GSDME: variants seen among roughly 807,000 people sequenced by gnomAD.
GSDME encodes gasdermin-E.
GSDME carries 44 observed loss-of-function variants against 47.5 expected under a neutral mutation model. The ratio of observed to expected loss-of-function variants is 0.93; its 90% CI spans 0.73 to 1.19. GSDME has a LOEUF of 1.19. Ranked by LOEUF, GSDME falls within the 50% of genes most tolerant of loss-of-function variation. The probability of loss-of-function intolerance (pLI) is 0.00; values close to 1 mark genes in which losing one functional copy is unlikely to be tolerated. For missense variants in GSDME, 663 were observed against 604.2 expected (o/e 1.10, Z -1.02); for synonymous variants, 258 against 252.8 (o/e 1.02, Z -0.20).
rs185209794 is a variant in GSDME, at chr7:24,732,038, C to T, written c.404+12524G>A. Among the ~76,000 whole-genome samples the T allele has an allele frequency of 1.4e-4, 21 of 152,272 alleles. 1 individual carries two copies. The East Asian group carries it at 4.1e-3, about 29-fold the overall frequency. ...TCCCATCCCAGACCTTGGGATGCCC[C>T]GGTTTATTGTGACCAGTTACACCTG... is the stretch of plus-strand genomic sequence containing the variant. On this transcript the variant is annotated intron_variant, in intron 3 of 9. Transcript: ENST00000645220. The surrounding 1 kb of genome is among the most constrained non-coding windows in gnomAD (Gnocchi z 4.8).
intron 4 of GSDME, 54 bp from the exon 5 acceptor site, chr7:24,717,428 C>G: frequency 6.2e-7 from 1 of 1,613,288 alleles, no homozygotes; most frequent in Non-Finnish European, 8.5e-7. Context: ...CCAAGCTGCT[C>G]TGTTCCCCAC....
the GSDME span, among the ~76,000 whole-genome samples, chr7:24,781,271 G>A: frequency 6.6e-6 from 1 of 152,212 alleles, no homozygotes; most frequent in Non-Finnish European, 1.5e-5. Context: ...GGAAGCAGAT[G>A]TGGGAGGAGA....
At chr7:24,730,289 T>C (rs1459173821) in intron 3 of GSDME, among the ~76,000 whole-genome samples, 1 of 152,256 alleles carries the variant, frequency 6.6e-6, no homozygotes, top group Admixed American at 6.5e-5. Context: ...TTTTTTTCTT[T>C]ACATTTTAAC....
intron 3 of GSDME, among the ~76,000 whole-genome samples, chr7:24,719,855 G>C (rs181387982): frequency 6.6e-6 from 1 of 152,072 alleles, no homozygotes; most frequent in Admixed American, 6.5e-5. Flanking sequence ...ATGTACCTTA[G>C]ACCCTGGAAA....
the GSDME span, among the ~76,000 whole-genome samples, chr7:24,794,137 A>G: frequency 1.3e-5 from 2 of 150,564 alleles, no homozygotes; most frequent in Non-Finnish European, 3.0e-5. Flanking sequence ...AACTACTTGT[A>G]TATCTCTCTC....
At chr7:24,749,538 T>C (rs1562715876) in intron 2 of GSDME, 26 bp downstream of exon 2, 5 of 1,543,326 alleles carry the variant, frequency 3.2e-6, no homozygotes, top group Non-Finnish European at 4.5e-6. Flanking sequence ...CGAGACTAAT[T>C]ATAGAATATA....
At chr7:24,709,403 G>C (rs1207312214) in intron 6 of GSDME, among the ~76,000 whole-genome samples, 1 of 149,732 alleles carries the variant, frequency 6.7e-6, no homozygotes, top group East Asian at 2.2e-4. Flanking sequence ...AGGAAGCCAA[G>C]ATAGGAAAGC....
the GSDME span, among the ~76,000 whole-genome samples, chr7:24,771,402 T>C: frequency 1.8e-4 from 28 of 152,244 alleles, 1 homozygote; most frequent in African/African-American, 6.8e-4. The surrounding 1 kb of genome is among the most constrained non-coding windows in gnomAD (Gnocchi z 4.1). Flanking sequence ...TTCTATCATA[T>C]TGTGTTATGT....
chr7:24,795,427 A>G, the GSDME span, among the ~76,000 whole-genome samples: 1 of 152,178 alleles, frequency 6.6e-6, no homozygotes, highest in Non-Finnish European at 1.5e-5. Flanking sequence ...TGCCAGGAGC[A>G]TCGGCAGACT....
At chr7:24,780,719 T>A in the GSDME span, among the ~76,000 whole-genome samples, 1 of 152,252 alleles carries the variant, frequency 6.6e-6, no homozygotes, top group Non-Finnish European at 1.5e-5. This position sits in a 1 kb window ranked among gnomAD's most constrained non-coding sequence, Gnocchi z 4.1. Context: ...TGCAGTATAA[T>A]TCTCCCAGAG....
rs1789761373 is a variant in GSDME at position 24,721,021 on chromosome 7, C to T, written c.405-1803G>A. 6.6e-6 allele frequency among the ~76,000 whole-genome samples: 1 copy of T among 152,038 alleles called. No homozygotes were observed. The highest frequency in any genetic ancestry group is 1.5e-5 in the Non-Finnish European group (1 of 68,030). On this transcript the variant is annotated intron_variant, in intron 3 of 9. Transcript: ENST00000645220. The surrounding 1 kb of genome is among the most constrained non-coding windows in gnomAD (Gnocchi z 4.1). Reference sequence around the variant, plus strand: ...ACAAATGAGCAATATTGTGTGGTTCCTCATATGAAATATCTGGAACAGGCA... The same window carrying T: ...ACAAATGAGCAATATTGTGTGGTTCTTCATATGAAATATCTGGAACAGGCA...
intron 1 of GSDME, 43 bp from the exon 2 acceptor site, chr7:24,749,836 A>G: frequency 7.2e-7 from 1 of 1,381,262 alleles, no homozygotes; most frequent in Non-Finnish European, 1.0e-6. Context: ...AGAAGTTACT[A>G]TTTTGTGGCT....
chr7:24,711,423 C>T (rs927336391), intron 5 of GSDME, among the ~76,000 whole-genome samples: 2 of 149,396 alleles, frequency 1.3e-5, no homozygotes, highest in African/African-American at 4.9e-5. Flanking sequence ...TGGGGTTTCA[C>T]CATGTTGGCC....
the GSDME span, among the ~76,000 whole-genome samples, chr7:24,794,972 A>C: frequency 3.3e-5 from 5 of 152,158 alleles, no homozygotes; most frequent in African/African-American, 4.8e-5. Flanking sequence ...CTAAACCAAA[A>C]CAGTGCAAAT....
chr7:24,714,265 G>A lies in GSDME; in HGVS notation c.697+2989C>T, dbSNP rs781090892. Among the ~76,000 whole-genome samples the A allele has an allele frequency of 3.3e-5, 5 of 152,122 alleles. No homozygotes were observed. Among genetic ancestry groups the A allele is most frequent in the African/African-American group, 7.2e-5 (3 of 41,418 alleles). ...ATACAGATGGAGTCTGCCTCCCTTC[G>A]AGGTTTCAAAGGACGACCAGGATCT... On this transcript the variant is annotated intron_variant, in intron 5 of 9. Transcript: ENST00000645220. This position sits in a 1 kb window ranked among gnomAD's most constrained non-coding sequence, Gnocchi z 5.0.
rs905711509 is a variant in GSDME at position 24,754,039 on chromosome 7, G to C, written c.-20+3357C>G. Among the ~76,000 whole-genome samples, 1 of 152,204 alleles carries C rather than the reference G, an allele frequency of 6.6e-6. No homozygotes were observed. Among genetic ancestry groups the C allele is most frequent in the African/African-American group, 2.4e-5 (1 of 41,452 alleles). Reference sequence around the variant, plus strand: ...AAGCACAGTCATGTCTCAGCCAAAAGTCAGACTCTGGATTAACATTTTCAC... The same window carrying C: ...AAGCACAGTCATGTCTCAGCCAAAACTCAGACTCTGGATTAACATTTTCAC... On this transcript the variant is annotated intron_variant, in intron 1 of 9. Coordinates refer to ENST00000645220, the MANE Select transcript of GSDME (RefSeq NM_001127453.2). The surrounding 1 kb of genome is among the most constrained non-coding windows in gnomAD (Gnocchi z 5.0).
chr7:24,703,023 G>A (rs1225693198), intron 8 of GSDME, 190 bp from the exon 9 acceptor site: 9 of 544,094 alleles, frequency 1.7e-5, no homozygotes, highest in African/African-American at 9.4e-5. Context: ...GAAAACAGAT[G>A]TAGGAACCCA....
In GSDME at chr7:24,741,767, T is replaced by C. The variant is rs116136310; in HGVS notation, c.404+2795A>G. On this transcript the variant is annotated intron_variant, in intron 3 of 9. Coordinates refer to ENST00000645220, the MANE Select transcript of GSDME (RefSeq NM_001127453.2). ...CGCCTTATCAATCCCAATGATGTTA[T>C]GGGGAGTCCAGAGACAGGCAGACAA... 2.1e-3 allele frequency among the ~76,000 whole-genome samples: 325 copies of C among 152,294 alleles called. 1 individual carries two copies. Among genetic ancestry groups the C allele is most frequent in the African/African-American group, 7.6e-3 (315 of 41,564 alleles).
intron 7 of GSDME, 115 bp downstream of exon 7, chr7:24,708,012 A>G: frequency 7.6e-7 from 1 of 1,319,522 alleles, no homozygotes; most frequent in South Asian, 1.3e-5. Context: ...CAGAAAAGAG[A>G]CAGCTGTAGG....
Sources: gnomAD v4.1 joint callset for allele counts (sites outside exome capture counted in the v4.1 genomes callset) on GRCh38, gnomAD v4.1.1 for gene constraint, Gnocchi (gnomAD v3.1) non-coding constraint, MANE v1.5 for transcripts, NCBI Gene and HGNC (gene_info 2026-07-23, HGNC 2026-07-21) for gene names.